Variants in AAK1 observed in about 807,000 individuals in gnomAD.
AAK1 encodes the protein AP2 associated kinase 1, also known as AP2-associated protein kinase 1.
In AAK1, 37 loss-of-function variants were observed where a neutral mutation model predicts 116.0. That is an observed-to-expected ratio of 0.32 (90% confidence interval 0.25 to 0.42). The LOEUF (loss-of-function observed/expected upper bound fraction) is 0.42. AAK1 is among the 10% of genes least tolerant of loss of function. The probability of loss-of-function intolerance (pLI) is 1.00; values close to 1 mark genes in which losing one functional copy is unlikely to be tolerated. For synonymous variants in AAK1, 458 were observed against 439.9 expected, an observed-to-expected ratio of 1.04 and a Z score of -0.51; for missense variants, 919 against 1,170.6, an observed-to-expected ratio of 0.79 and a Z score of 3.14.
At chr2:69,515,049 T>C (rs1676528906) in intron 12 of AAK1, among the ~76,000 whole-genome samples, 1 of 152,170 alleles carries the variant, frequency 6.6e-6, no homozygotes, top group Non-Finnish European at 1.5e-5. Context: ...CTAAACATCA[T>C]GTGACTCCAT....
intron 8 of AAK1, 140 bp from the exon 9 acceptor site, chr2:69,527,459 C>A: frequency 3.4e-6 from 2 of 592,570 alleles, no homozygotes; most frequent in Non-Finnish European, 6.0e-6. Context: ...TAATTATCCC[C>A]TTTTCTCTCC....
chr2:69,628,360 C>T (rs1448046505), intron 2 of AAK1, among the ~76,000 whole-genome samples: 2 of 152,008 alleles, frequency 1.3e-5, no homozygotes, highest in African/African-American at 4.8e-5. Flanking sequence ...TCTCATTCTC[C>T]CTCCCAAATA....
chr2:69,470,323 A>T lies in AAK1; in HGVS notation c.*5546T>A. On this transcript the variant is annotated 3_prime_UTR_variant, in exon 22 of 22. Coordinates refer to ENST00000409085, the MANE Select transcript of AAK1 (RefSeq NM_014911.5). ...TCCCTTCACAAGAACTTGGAAATGCAGCAGCAATTGAAACGTAAAATTTTA... is the reference window on the plus strand; with the variant it reads ...TCCCTTCACAAGAACTTGGAAATGCTGCAGCAATTGAAACGTAAAATTTTA... 1.0e-6 allele frequency: 1 copy of T among 985,480 alleles called. No homozygotes were observed. Among genetic ancestry groups the T allele is most frequent in the Non-Finnish European group, 1.2e-6 (1 of 829,936 alleles). The allele number at this position is 985,480 out of a possible 1,614,324, so 61.0% of individuals were successfully genotyped here.
At position 69,461,579 on chromosome 2, in the gene AAK1, C is replaced by A; in HGVS notation, c.*14290G>T. On this transcript the variant is annotated 3_prime_UTR_variant, in exon 22 of 22. Coordinates refer to ENST00000409085, the MANE Select transcript of AAK1 (RefSeq NM_014911.5). ...GAAGGTATGTAGAGTCTCCACCCATCATGTCTCCAGTGACAATTTTTTTTT... is the reference window on the plus strand; with the variant it reads ...GAAGGTATGTAGAGTCTCCACCCATAATGTCTCCAGTGACAATTTTTTTTT... 1 of 420,506 alleles carries A rather than the reference C, an allele frequency of 2.4e-6. No homozygotes were observed. The allele number at this position is 420,506 out of a possible 1,614,324, so 26.0% of individuals were successfully genotyped here. A position where few individuals can be genotyped will look rare whatever the true frequency, so the allele number is the denominator to read the frequency against.
At chr2:69,598,603 T>A (rs1406044610) in intron 2 of AAK1, 2 of 152,918 alleles carry the variant, frequency 1.3e-5, no homozygotes, top group East Asian at 3.8e-4. Context: ...CACTGCAATG[T>A]TTGCCTCCTG....
At chr2:69,643,334 C>T in intron 1 of AAK1, 60 bp from the exon 2 acceptor site, 1 of 1,326,738 alleles carries the variant, frequency 7.5e-7, no homozygotes, top group Non-Finnish European at 9.6e-7. Flanking sequence ...AATTCAACCG[C>T]TGAGTCCTAG....
At chr2:69,584,191 C>A (rs1672663134) in intron 2 of AAK1, among the ~76,000 whole-genome samples, 1 of 152,158 alleles carries the variant, frequency 6.6e-6, no homozygotes, top group Non-Finnish European at 1.5e-5. Flanking sequence ...CCCCCTTTAA[C>A]AATCTAGCAT....
intron 2 of AAK1, among the ~76,000 whole-genome samples, chr2:69,577,623 T>C (rs1672367217): frequency 6.6e-6 from 1 of 152,220 alleles, no homozygotes; most frequent in Non-Finnish European, 1.5e-5. Flanking sequence ...GGATTTCAGC[T>C]TCAAAGATTG....
chr2:69,622,458 C>T (rs1466749084), intron 2 of AAK1, among the ~76,000 whole-genome samples: 1 of 152,250 alleles, frequency 6.6e-6, no homozygotes, highest in East Asian at 1.9e-4. Context: ...GCAGCTCCAC[C>T]TGCGGCCCTG....
intron 17 of AAK1, among the ~76,000 whole-genome samples, chr2:69,493,067 G>A (rs377090580): frequency 2.0e-5 from 3 of 149,866 alleles, no homozygotes; most frequent in Admixed American, 6.7e-5. Context: ...GCTGAGGCAG[G>A]AGAATGGCGT....
At chr2:69,629,503 T>C (rs76676177) in intron 2 of AAK1, among the ~76,000 whole-genome samples, 1,582 of 152,330 alleles carry the variant, frequency 0.01, 21 homozygotes, top group African/African-American at 0.034. Flanking sequence ...CTGAAAGATG[T>C]TCTACTTTGC....
At chr2:69,525,164 T>C in intron 9 of AAK1, 52 bp from the exon 10 acceptor site, 8 of 1,580,086 alleles carry the variant, frequency 5.1e-6, no homozygotes, top group Non-Finnish European at 7.0e-6. Flanking sequence ...CACAGATTTC[T>C]TTGTTAAAGA....
chr2:69,606,075 G>C (rs894891329), intron 2 of AAK1, among the ~76,000 whole-genome samples: 21 of 152,092 alleles, frequency 1.4e-4, no homozygotes, highest in African/African-American at 5.1e-4. Context: ...TGCTCATGTT[G>C]TTCCTATGTC....
intron 12 of AAK1, chr2:69,516,687 T>G (rs1191725420): frequency 6.6e-6 from 1 of 152,128 alleles, no homozygotes; most frequent in Non-Finnish European, 1.5e-5. Flanking sequence ...TGAAGAGACT[T>G]CCACTGGCCA....
At chr2:69,504,266 A>G (rs959686865) in intron 16 of AAK1, among the ~76,000 whole-genome samples, 7 of 151,612 alleles carry the variant, frequency 4.6e-5, no homozygotes. Flanking sequence ...CCATAGTGGC[A>G]TACACCGGTA....
intron 16 of AAK1, among the ~76,000 whole-genome samples, chr2:69,504,863 C>T (rs898811243): frequency 3.9e-5 from 6 of 152,286 alleles, no homozygotes; most frequent in Admixed American, 1.3e-4. Context: ...AGGTTAAATG[C>T]CTCTAACAGA....
chr2:69,506,053 T>C (rs1285210663), intron 15 of AAK1, among the ~76,000 whole-genome samples: 3 of 152,176 alleles, frequency 2.0e-5, no homozygotes, highest in Admixed American at 1.3e-4. Flanking sequence ...CTTTCCATGT[T>C]GGAAGCAGTT....
rs138084309 is a variant in AAK1 at position 69,527,042 on chromosome 2, T to C, written c.975+174A>G. ...GCTTCAGTTTTATAATTAAATTCCATGGGAAAACTGGATTCCCTTTATGGC... is the reference window on the plus strand; with the variant it reads ...GCTTCAGTTTTATAATTAAATTCCACGGGAAAACTGGATTCCCTTTATGGC... On this transcript the variant is annotated intron_variant, in intron 9 of 21. Transcript: ENST00000409085. Among the ~76,000 whole-genome samples the C allele has an allele frequency of 9.1e-4, 138 of 152,300 alleles. 2 individuals are homozygous for C. In the South Asian group the frequency reaches 0.013, roughly 15 times the overall value.
Position 69,472,617 on chromosome 2 carries a change from T to C in AAK1, c.*3252A>G. 3.0e-6 allele frequency: 3 copies of C among 985,308 alleles called. No homozygotes were observed. Among genetic ancestry groups the C allele is most frequent in the Non-Finnish European group, 3.6e-6 (3 of 829,826 alleles). The allele number at this position is 985,308 out of a possible 1,614,324, so 61.0% of individuals were successfully genotyped here. ...CTTAAGCCTTATCTCCTCTGAGGTA[T>C]GTATTTTTGAAAACATTGGGACTCA... is the stretch of plus-strand genomic sequence containing the variant. On this transcript the variant is annotated 3_prime_UTR_variant, in exon 22 of 22. Coordinates refer to ENST00000409085, the MANE Select transcript of AAK1 (RefSeq NM_014911.5).
Sources: gnomAD v4.1 joint callset for allele counts (sites outside exome capture counted in the v4.1 genomes callset) on GRCh38, gnomAD v4.1.1 for gene constraint, MANE v1.5 for transcripts, NCBI Gene and HGNC (gene_info 2026-07-23, HGNC 2026-07-21) for gene names.